The following UBR7 variants were observed in gnomAD, a reference collection of about 807,000 sequenced individuals.
UBR7 encodes the protein putative E3 ubiquitin-protein ligase UBR7.
UBR7 carries 22 observed loss-of-function variants against 57.0 expected under a neutral mutation model. That is an observed-to-expected ratio of 0.39 (90% CI 0.28 to 0.55). The LOEUF is 0.55. Among genes scored for constraint, UBR7 ranks in the 20% least tolerant of loss-of-function variants. The pLI is 0.69. For missense variants in UBR7, 395 were observed against 513.2 expected (o/e 0.77, Z 2.23); for synonymous variants, 167 against 179.8 (o/e 0.93, Z 0.57).
At chr14:93,215,956 T>C (rs1894582108) in intron 6 of UBR7, among the ~76,000 whole-genome samples, 1 of 152,140 alleles carries the variant, frequency 6.6e-6, no homozygotes, top group South Asian at 2.1e-4. Flanking sequence ...ACAAAATACC[T>C]TAGGCTGGGT....
At chr14:93,221,104 C>T (rs931799312) in intron 9 of UBR7, among the ~76,000 whole-genome samples, 1 of 150,924 alleles carries the variant, frequency 6.6e-6, no homozygotes, top group African/African-American at 2.4e-5. Flanking sequence ...TGCCACTGCG[C>T]CCCCCCAATT....
chr14:93,212,894 T>A (rs1349815789), intron 4 of UBR7, among the ~76,000 whole-genome samples: 1 of 152,228 alleles, frequency 6.6e-6, no homozygotes, highest in Non-Finnish European at 1.5e-5. Flanking sequence ...AACATCCTCA[T>A]ACAGTAATAC....
rs1846700041 is a variant in UBR7 at position 93,227,273 on chromosome 14, C to T, written c.*238C>T. 2 of 614,698 alleles carry T rather than the reference C, an allele frequency of 3.3e-6. No homozygotes were observed. The highest frequency in any genetic ancestry group is 6.0e-6 in the Non-Finnish European group (2 of 331,450). 38.1% of individuals were successfully genotyped at this position (614,698 alleles called of 1,614,324 possible). Reference sequence around the variant, plus strand: ...CACAGACTTCTCCAGTGTACTCCTACTCCAGTGCACCCAGGGTTATTTGCA... The same window carrying T: ...CACAGACTTCTCCAGTGTACTCCTATTCCAGTGCACCCAGGGTTATTTGCA... On this transcript the variant is annotated 3_prime_UTR_variant, in exon 11 of 11. Transcript: ENST00000013070.
rs1028562427 is a variant in UBR7, at chr14:93,214,911, A to T, written c.442-18A>T. On this transcript the variant is annotated intron_variant, in intron 4 of 10. Coordinates refer to ENST00000013070, the MANE Select transcript of UBR7 (RefSeq NM_175748.4). ...CCGAATTCAATGTAATCCTTAACAA[A>T]CTGCTTTTCTCTGTTAGATTCCAGA... is the stretch of plus-strand genomic sequence containing the variant. 24 of 1,611,392 alleles carry T rather than the reference A, an allele frequency of 1.5e-5. No individual in the cohort carries two copies. In the Admixed American group the frequency reaches 3.3e-4, roughly 22 times the overall value.
intron 10 of UBR7, chr14:93,223,710 G>C (rs1309537627): frequency 2.2e-6 from 2 of 928,880 alleles, no homozygotes; most frequent in Non-Finnish European, 3.4e-6. Flanking sequence ...CTTGATGGCC[G>C]GCCGGCTGGC....
At chr14:93,218,770 A>T (rs368407583) in intron 7 of UBR7, 35 bp downstream of exon 7, 380 of 1,603,168 alleles carry the variant, frequency 2.4e-4, no homozygotes, top group Admixed American at 3.5e-4. Context: ...AAGAAATAAG[A>T]CTGGGCCAGG....
intron 10 of UBR7, 32 bp downstream of exon 10, chr14:93,222,406 C>T: frequency 6.7e-7 from 1 of 1,493,822 alleles, no homozygotes; most frequent in Non-Finnish European, 9.3e-7. Context: ...TAATCATAGC[C>T]CTGTAAGTTT....
chr14:93,219,906 C>T (rs1441095970), intron 8 of UBR7, among the ~76,000 whole-genome samples: 2 of 151,548 alleles, frequency 1.3e-5, no homozygotes, highest in Admixed American at 1.3e-4. Context: ...ACCCAGAAGG[C>T]GGAGGTTGCA....
At chr14:93,222,638 G>C (rs2140106676) in intron 10 of UBR7, among the ~76,000 whole-genome samples, 1 of 152,144 alleles carries the variant, frequency 6.6e-6, no homozygotes, top group African/African-American at 2.4e-5. Flanking sequence ...AGCTACTAGG[G>C]AGGCTGAGGC....
rs1392735899 is a variant in UBR7, at chr14:93,228,837, AC to A, written c.*1804del. On this transcript the variant is annotated 3_prime_UTR_variant, in exon 11 of 11. Coordinates refer to ENST00000013070, the MANE Select transcript of UBR7 (RefSeq NM_175748.4). ...ACCAGAAAGTCCCTTACTTCCTATGACCAATCAGGACCAAGTCTTGGAGGTG... is the reference window on the plus strand; with the variant it reads ...ACCAGAAAGTCCCTTACTTCCTATGACAATCAGGACCAAGTCTTGGAGGTG... 5 of 454,018 alleles carry A rather than the reference AC, an allele frequency of 1.1e-5. No homozygotes were observed. Among genetic ancestry groups the A allele is most frequent in the Non-Finnish European group, 2.2e-5 (5 of 226,806 alleles). The allele number at this position is 454,018 out of a possible 1,614,324, so 28.1% of individuals were successfully genotyped here.
chr14:93,211,244 A>G (rs1331273021), intron 3 of UBR7, among the ~76,000 whole-genome samples: 1 of 151,520 alleles, frequency 6.6e-6, no homozygotes, highest in Non-Finnish European at 1.5e-5. Context: ...TCTCAAAACA[A>G]ACAAACAAAA....
In UBR7 at chr14:93,210,642, T is replaced by C; in HGVS notation, c.285-6T>C. 2 of 1,599,204 alleles carry C rather than the reference T, an allele frequency of 1.3e-6. No homozygotes were observed. The highest frequency in any genetic ancestry group is 8.5e-7 in the Non-Finnish European group (1 of 1,171,148). On this transcript the variant is annotated splice_polypyrimidine_tract_variant and splice_region_variant and intron_variant, in intron 2 of 10. Coordinates refer to ENST00000013070, the MANE Select transcript of UBR7 (RefSeq NM_175748.4). ...AAATAAAATTGTTATTTCCTCCTTT[T>C]TTCAGAAATTTTCGTTGTGATTGTG...
At chr14:93,210,084 T>TC in intron 2 of UBR7, 127 bp downstream of exon 2, 1 of 527,098 alleles carries the variant, frequency 1.9e-6, no homozygotes, top group Non-Finnish European at 2.9e-6. Flanking sequence ...TTAATTAATT[T>TC]ATTTATTTAT....
chr14:93,223,941 G>A (rs1322578626), intron 10 of UBR7: 4 of 729,560 alleles, frequency 5.5e-6, no homozygotes, highest in African/African-American at 1.7e-5. Context: ...TCAAACACCT[G>A]CCCACAGTAG....
At chr14:93,222,409 G>GT in intron 10 of UBR7, 35 bp downstream of exon 10, 2 of 1,479,960 alleles carry the variant, frequency 1.4e-6, no homozygotes, top group Non-Finnish European at 1.9e-6. Flanking sequence ...TCATAGCCCT[G>GT]TAAGTTTTGA....
intron 10 of UBR7, 72 bp downstream of exon 10, chr14:93,222,446 T>A: frequency 8.5e-7 from 1 of 1,180,606 alleles, no homozygotes; most frequent in Non-Finnish European, 1.3e-6. Flanking sequence ...CTTTGACGAT[T>A]AAAAATGACT....
Position 93,228,559 on chromosome 14 carries a change from C to A in UBR7, c.*1524C>A, listed in dbSNP as rs746199674. 2 of 454,060 alleles carry A rather than the reference C, an allele frequency of 4.4e-6. No individual in the cohort carries two copies. Among genetic ancestry groups the A allele is most frequent in the South Asian group, 3.1e-5 (2 of 64,470 alleles). The allele number at this position is 454,060 out of a possible 1,614,324, so 28.1% of individuals were successfully genotyped here. A position where few individuals can be genotyped will look rare whatever the true frequency, so the allele number is the denominator to read the frequency against. ...ACCATGTTCTTCGGCACTCAGGCTC[C>A]TAATTGCAGATCCTCACGAAGGGTG... On this transcript the variant is annotated 3_prime_UTR_variant, in exon 11 of 11. Transcript: ENST00000013070.
chr14:93,223,594 G>T, intron 10 of UBR7: 1 of 1,004,258 alleles, frequency 1.0e-6, no homozygotes, highest in Non-Finnish European at 1.5e-6. Flanking sequence ...CGAGGGCCCT[G>T]CCCCTAGAAG....
chr14:93,212,446 C>T (rs1894504784), intron 4 of UBR7, among the ~76,000 whole-genome samples: 2 of 152,136 alleles, frequency 1.3e-5, no homozygotes, highest in Non-Finnish European at 2.9e-5. Flanking sequence ...CTTCTTTTGT[C>T]TCTTTACGGA....
Sources: allele counts gnomAD v4.1 joint callset (sites outside exome capture counted in the v4.1 genomes callset), GRCh38; gene constraint gnomAD v4.1.1; transcripts MANE v1.5; gene names NCBI Gene and HGNC (gene_info 2026-07-23, HGNC 2026-07-21).